The following PRKD1 variants were observed in gnomAD, a reference collection of about 807,000 sequenced individuals.
PRKD1 encodes the protein protein kinase D1.
A neutral mutation model predicts 95.9 loss-of-function variants in PRKD1; 63 were observed. That is an observed-to-expected ratio of 0.66 (90% CI 0.54 to 0.81). The LOEUF is 0.81. PRKD1 is among the 30% of genes least tolerant of loss of function. The probability of loss-of-function intolerance (pLI) is 0.00; values close to 1 mark genes in which losing one functional copy is unlikely to be tolerated. For synonymous variants in PRKD1, 425 were observed against 423.1 expected, an observed-to-expected ratio of 1.00 and a Z score of -0.05; for missense variants, 1,048 against 1,165.3, an observed-to-expected ratio of 0.90 and a Z score of 1.47.
intron 1 of PRKD1, among the ~76,000 whole-genome samples, chr14:29,906,810 T>C (rs936004783): frequency 6.6e-6 from 1 of 152,152 alleles, no homozygotes; most frequent in African/African-American, 2.4e-5. Context: ...AAACAAACAA[T>C]GACAAAGAGA....
At chr14:29,896,708 G>T (rs965418218) in intron 1 of PRKD1, among the ~76,000 whole-genome samples, 4 of 130,220 alleles carry the variant, frequency 3.1e-5, no homozygotes, top group African/African-American at 1.3e-4. Flanking sequence ...TTTATTATGA[G>T]AATTAAACAG....
chr14:29,720,703 C>T (rs1301954830), intron 2 of PRKD1, among the ~76,000 whole-genome samples: 1 of 151,706 alleles, frequency 6.6e-6, no homozygotes, highest in Non-Finnish European at 1.5e-5. Flanking sequence ...TTGCTTAAAC[C>T]CGGGAGGTGG....
At position 29,831,151 on chromosome 14, in the gene PRKD1, G is replaced by T. The variant is rs141487231; in HGVS notation, c.264+96098C>A. 2.1e-3 allele frequency among the ~76,000 whole-genome samples: 316 copies of T among 152,226 alleles called. 2 individuals are homozygous for T. The highest frequency in any genetic ancestry group is 7.3e-3 in the African/African-American group (303 of 41,548). On this transcript the variant is annotated intron_variant, in intron 1 of 17. Transcript: ENST00000331968. ...CCAGGCACAGAGTTAAGTGCTCTAC[G>T]TGGTTGATTTCATAAATGCCTCAAT...
intron 1 of PRKD1, among the ~76,000 whole-genome samples, chr14:29,864,662 T>C (rs1413056892): frequency 6.6e-6 from 1 of 152,044 alleles, no homozygotes; most frequent in African/African-American, 2.4e-5. Context: ...TGAGAGTGTG[T>C]AGGTAAGTTG....
chr14:29,713,841 T>C (rs573848498), intron 2 of PRKD1, among the ~76,000 whole-genome samples: 1 of 152,280 alleles, frequency 6.6e-6, no homozygotes, highest in East Asian at 1.9e-4. Flanking sequence ...CAGTTTGAAG[T>C]TCAGGAAACT....
intron 16 of PRKD1, among the ~76,000 whole-genome samples, chr14:29,592,022 T>C (rs2138989802): frequency 6.6e-6 from 1 of 152,248 alleles, no homozygotes; most frequent in South Asian, 2.1e-4. Context: ...ATAGATAAAG[T>C]AAATTTAAAG....
At chr14:29,626,386 T>C (rs1034649613) in intron 12 of PRKD1, 98 bp downstream of exon 12, 13 of 964,944 alleles carry the variant, frequency 1.3e-5, no homozygotes, top group Non-Finnish European at 1.9e-5. Flanking sequence ...TATATACACA[T>C]AGGTCTTCTC....
At chr14:29,857,540 G>A (rs1469163001) in intron 1 of PRKD1, among the ~76,000 whole-genome samples, 10 of 152,138 alleles carry the variant, frequency 6.6e-5, no homozygotes, top group African/African-American at 2.4e-5. Context: ...GCTTTTTCAG[G>A]TAGCTCAAAA....
intron 1 of PRKD1, among the ~76,000 whole-genome samples, chr14:29,781,537 C>A (rs147442881): frequency 6.6e-6 from 1 of 152,302 alleles, no homozygotes; most frequent in African/African-American, 2.4e-5. Context: ...CAGGGAGGCA[C>A]CTGCTTCATT....
intron 2 of PRKD1, among the ~76,000 whole-genome samples, chr14:29,669,112 C>G (rs1204457519): frequency 6.6e-6 from 1 of 152,102 alleles, no homozygotes; most frequent in East Asian, 1.9e-4. Flanking sequence ...CACACAACCC[C>G]TTGTAACATG....
intron 1 of PRKD1, among the ~76,000 whole-genome samples, chr14:29,744,264 A>G (rs1887112950): frequency 6.6e-6 from 1 of 152,184 alleles, no homozygotes; most frequent in Non-Finnish European, 1.5e-5. Context: ...GCTGCTCCGC[A>G]TCTCAAGAAA....
intron 1 of PRKD1, among the ~76,000 whole-genome samples, chr14:29,730,349 A>G (rs1886371346): frequency 6.6e-6 from 1 of 152,152 alleles, no homozygotes; most frequent in African/African-American, 2.4e-5. Flanking sequence ...GGCTACTATA[A>G]AAACAAAATG....
In PRKD1 at chr14:29,582,090, A is replaced by G. The variant is rs115038299; in HGVS notation, c.2435-3730T>C. On this transcript the variant is annotated intron_variant, in intron 16 of 17. Coordinates refer to ENST00000331968, the MANE Select transcript of PRKD1 (RefSeq NM_002742.3). ...GTTCTTGGTAAGACTCATTCTACCAATCTGGTAATCCTACTTAAAAAAAAG... is the reference window on the plus strand; with the variant it reads ...GTTCTTGGTAAGACTCATTCTACCAGTCTGGTAATCCTACTTAAAAAAAAG... 4.0e-3 allele frequency among the ~76,000 whole-genome samples: 610 copies of G among 152,272 alleles called. 5 individuals carry two copies. The highest frequency in any genetic ancestry group is 0.014 in the African/African-American group (569 of 41,550).
intron 16 of PRKD1, chr14:29,594,021 T>C (rs888950023): frequency 9.1e-5 from 36 of 396,620 alleles, no homozygotes; most frequent in African/African-American, 7.4e-4. Flanking sequence ...TCTAAGCCCT[T>C]GATTTCAAGA....
At chr14:29,706,016 T>C (rs534266604) in intron 2 of PRKD1, among the ~76,000 whole-genome samples, 4 of 152,278 alleles carry the variant, frequency 2.6e-5, no homozygotes, top group Admixed American at 2.6e-4. Context: ...CTTGAGGAAC[T>C]GCCAAACTGT....
chr14:29,722,043 ATGT>A (rs1351034696), intron 2 of PRKD1, among the ~76,000 whole-genome samples: 1 of 152,062 alleles, frequency 6.6e-6, no homozygotes, highest in Non-Finnish European at 1.5e-5. Context: ...AAAAATCTTG[ATGT>A]TGTCTGAAGA....
chr14:29,822,170 C>T (rs1228411458), intron 1 of PRKD1, among the ~76,000 whole-genome samples: 1 of 152,182 alleles, frequency 6.6e-6, no homozygotes, highest in African/African-American at 2.4e-5. Flanking sequence ...TTTTCTTGTA[C>T]AATCATTTGA....
intron 2 of PRKD1, among the ~76,000 whole-genome samples, chr14:29,721,968 C>T (rs899563101): frequency 8.6e-5 from 13 of 151,858 alleles, no homozygotes; most frequent in Admixed American, 1.3e-4. Flanking sequence ...GGTTAGTTTT[C>T]ACTCCCAAAG....
chr14:29,790,211 C>T (rs1261656777), intron 1 of PRKD1, among the ~76,000 whole-genome samples: 1 of 151,458 alleles, frequency 6.6e-6, no homozygotes, highest in Non-Finnish European at 1.5e-5. Context: ...GAGGTTTCAC[C>T]ACCTTGGCCA....
Sources: gnomAD v4.1 joint callset for allele counts (sites outside exome capture counted in the v4.1 genomes callset) on GRCh38, gnomAD v4.1.1 for gene constraint, MANE v1.5 for transcripts, NCBI Gene and HGNC (gene_info 2026-07-23, HGNC 2026-07-21) for gene names.